The following DNMT3B variants were observed in gnomAD, a reference collection of about 807,000 sequenced individuals.
DNMT3B encodes the protein DNA methyltransferase 3 beta.
A neutral mutation model predicts 120.2 loss-of-function variants in DNMT3B; 37 were observed. That is an observed-to-expected ratio of 0.31 (90% CI 0.24 to 0.40). The LOEUF (loss-of-function observed/expected upper bound fraction) is 0.40, where lower values mean the gene tolerates loss of function less well. Ranked by LOEUF, DNMT3B falls within the 10% of genes least tolerant of loss-of-function variation. The probability of loss-of-function intolerance (pLI) is 1.00; values close to 1 mark genes in which losing one functional copy is unlikely to be tolerated. For missense variants in DNMT3B, 878 were observed against 1,137.3 expected, an observed-to-expected ratio of 0.77 and a Z score of 3.28; for synonymous variants, 412 against 442.8, an observed-to-expected ratio of 0.93 and a Z score of 0.87.
rs373410645 is a variant in DNMT3B at position 32,784,775 on chromosome 20, C to T, written c.222C>T (p.Gly74=). 109 of 1,613,916 alleles carry T rather than the reference C, an allele frequency of 6.8e-5. No individual in the cohort carries two copies. Among genetic ancestry groups the T allele is most frequent in the Non-Finnish European group, 8.2e-5 (97 of 1,179,986 alleles). The part of the protein sequence containing the change: ...LSYTQDLTGD[G]DGEDGDGSDT... ...TTATAAAGGACTTGACAGGCGATGG[C>T]GACGGGGAAGATGGGGATGGCTCTG... The change falls in exon 4 of 23, where the codon GGC becomes GGT. Residue 74 remains glycine (G), a synonymous_variant. Coordinates refer to ENST00000328111, the MANE Select transcript of DNMT3B (RefSeq NM_006892.4).
intron 3 of DNMT3B, among the ~76,000 whole-genome samples, chr20:32,782,909 T>C (rs967214214): frequency 2.6e-5 from 4 of 152,156 alleles, no homozygotes; most frequent in African/African-American, 7.2e-5. Context: ...CATGTATTCA[T>C]GAATGAAATG....
At chr20:32,800,109 TGCTCA>T in intron 16 of DNMT3B, 39 bp from the exon 17 acceptor site, 2 of 1,612,588 alleles carry the variant, frequency 1.2e-6, no homozygotes, top group Non-Finnish European at 1.7e-6. Flanking sequence ...AGCTGCTGTG[TGCTCA>T]GCATCATTTA....
intron 20 of DNMT3B, among the ~76,000 whole-genome samples, chr20:32,804,314 A>C (rs1398883657): frequency 6.6e-6 from 1 of 152,184 alleles, no homozygotes; most frequent in Admixed American, 6.5e-5. Flanking sequence ...GGGGCTGTGC[A>C]GTGTCCTTTT....
chr20:32,785,458 C>A (rs1265068331), intron 4 of DNMT3B, among the ~76,000 whole-genome samples: 1 of 152,066 alleles, frequency 6.6e-6, no homozygotes, highest in Non-Finnish European at 1.5e-5. Flanking sequence ...CTGCTAATGA[C>A]CTAGGGAGTC....
intron 1 of DNMT3B, among the ~76,000 whole-genome samples, chr20:32,774,501 G>A (rs367797433): frequency 1.4e-5 from 2 of 138,636 alleles, no homozygotes; most frequent in South Asian, 2.4e-4. Context: ...GAGCCACCGC[G>A]CCTGGCCTTT....
intron 1 of DNMT3B, among the ~76,000 whole-genome samples, chr20:32,773,805 GA>G (rs769550413): frequency 1.3e-5 from 2 of 151,728 alleles, no homozygotes; most frequent in Non-Finnish European, 2.9e-5. Flanking sequence ...CTAATTTTAA[GA>G]AATATTTTAA....
chr20:32,788,880 C>T lies in DNMT3B; in HGVS notation c.681C>T (p.Asp227=), dbSNP rs891529660. The T allele has an allele frequency of 1.2e-6, 2 of 1,613,656 alleles. No homozygotes were observed. Among genetic ancestry groups the T allele is most frequent in the Non-Finnish European group, 1.7e-6 (2 of 1,179,980 alleles). Residue 227 remains aspartate, a synonymous_variant, in exon 7 of 23, where the codon GAC becomes GAT. Transcript: ENST00000328111. ...ATGGGAAGGAGTTTGGAATAGGGGACCTCGTGTGGGGAAAGATCAAGGGCT... is the reference window on the plus strand; with the variant it reads ...ATGGGAAGGAGTTTGGAATAGGGGATCTCGTGTGGGGAAAGATCAAGGGCT... ...YQDGKEFGIG[D]LVWGKIKGFS...
chr20:32,773,714 G>C lies in DNMT3B; in HGVS notation c.-6-6604G>C, dbSNP rs1241468618. ...TGCAGCCTCAACTTCCGAGGCTTAG[G>C]TGATCATTCCCCATCAGCCTCCGAG... On this transcript the variant is annotated intron_variant, in intron 1 of 22. Coordinates refer to ENST00000328111, the MANE Select transcript of DNMT3B (RefSeq NM_006892.4). Among the ~76,000 whole-genome samples, 10 of 151,814 alleles carry C rather than the reference G, an allele frequency of 6.6e-5. No homozygotes were observed. In the East Asian group the frequency reaches 1.9e-3, roughly 29 times the overall value.
chr20:32,764,811 G>C (rs142172425), intron 1 of DNMT3B, among the ~76,000 whole-genome samples: 82 of 152,326 alleles, frequency 5.4e-4, no homozygotes, highest in African/African-American at 1.9e-3. Context: ...GCAAAGGATG[G>C]GGGGAGGGGA....
intron 14 of DNMT3B, among the ~76,000 whole-genome samples, chr20:32,797,799 A>T (rs1017419574): frequency 6.6e-6 from 1 of 152,072 alleles, no homozygotes; most frequent in African/African-American, 2.4e-5. Context: ...AGCTGGAATT[A>T]TAAGTGCGGA....
At chr20:32,763,984 A>T (rs980140504) in intron 1 of DNMT3B, among the ~76,000 whole-genome samples, 29 of 152,074 alleles carry the variant, frequency 1.9e-4, no homozygotes, top group African/African-American at 7.0e-4. Flanking sequence ...CTTCTTGTTC[A>T]CCCACCTTGG....
chr20:32,799,783 G>A (rs1234249689), intron 16 of DNMT3B, among the ~76,000 whole-genome samples: 1 of 152,194 alleles, frequency 6.6e-6, no homozygotes, highest in African/African-American at 2.4e-5. Context: ...ATCCCAAACC[G>A]CTGGGATTAG....
rs1568811976 is a variant in DNMT3B, at chr20:32,762,602, G to T, written c.-104G>T. ...TCGGCGATCGGCGCCGGAGATTCGC[G>T]AGCCCAGCGCCCTGCACGGCCGCCA... On this transcript the variant is annotated 5_prime_UTR_variant, in exon 1 of 23. Transcript: ENST00000328111. 2 of 325,242 alleles carry T rather than the reference G, an allele frequency of 6.1e-6. No individual in the cohort carries two copies. Among genetic ancestry groups the T allele is most frequent in the Non-Finnish European group, 1.3e-5 (2 of 157,006 alleles). 20.1% of individuals were successfully genotyped at this position (325,242 alleles called of 1,614,324 possible). A position where few individuals can be genotyped will look rare whatever the true frequency, so the allele number is the denominator to read the frequency against.
intron 1 of DNMT3B, chr20:32,780,016 C>G (rs922264632): frequency 2.4e-5 from 36 of 1,479,664 alleles, no homozygotes; most frequent in Admixed American, 2.1e-4. Flanking sequence ...TTGAAGGGGC[C>G]GGCTAATTGC....
At chr20:32,792,062 T>G (rs1330205187) in intron 8 of DNMT3B, among the ~76,000 whole-genome samples, 1 of 152,152 alleles carries the variant, frequency 6.6e-6, no homozygotes, top group Admixed American at 6.5e-5. Flanking sequence ...GTCTTCTATC[T>G]GTGGGCCGTC....
intron 17 of DNMT3B, 68 bp from the exon 18 acceptor site, chr20:32,800,767 C>T: frequency 6.4e-7 from 1 of 1,552,076 alleles, no homozygotes; most frequent in South Asian, 1.1e-5. Flanking sequence ...ACGCAAGATT[C>T]TAGAAGTGGG....
chr20:32,801,990 A>AT (rs1981399147), intron 19 of DNMT3B, among the ~76,000 whole-genome samples: 1 of 152,130 alleles, frequency 6.6e-6, no homozygotes. Flanking sequence ...ATTTGACTCA[A>AT]TTTTTTACTC....
Position 32,773,934 on chromosome 20 carries a change from G to GTTTTTTTTTT in DNMT3B, c.-6-6367_-6-6358dup, listed in dbSNP as rs1161730284. On this transcript the variant is annotated intron_variant, in intron 1 of 22. Transcript: ENST00000328111. The stretch of plus-strand genomic sequence containing the variant: ...GCATGAGCCACTGCGCCCGGCAGTG[G>GTTTTTTTTTT]TTTTTTTTTTTTTTTTTTTTTTTTT... Among the ~76,000 whole-genome samples, 16 of 69,152 alleles carry GTTTTTTTTTT rather than the reference G, an allele frequency of 2.3e-4. 3 individuals carry two copies. The highest frequency in any genetic ancestry group is 9.3e-4 in the African/African-American group (14 of 15,076). 45.4% of individuals were successfully genotyped at this position (69,152 alleles called of 152,430 possible).
chr20:32,771,121 G>A (rs1488808679), intron 1 of DNMT3B, among the ~76,000 whole-genome samples: 1 of 152,110 alleles, frequency 6.6e-6, no homozygotes, highest in Non-Finnish European at 1.5e-5. Context: ...TACATAGTGT[G>A]CAAGGACATA....
Sources: gnomAD v4.1 joint callset for allele counts (sites outside exome capture counted in the v4.1 genomes callset) on GRCh38, gnomAD v4.1.1 for gene constraint, MANE v1.5 for transcripts, NCBI Gene and HGNC (gene_info 2026-07-23, HGNC 2026-07-21) for gene names.